Variants in FRMD4A observed in about 807,000 individuals in gnomAD.
FRMD4A encodes FERM domain containing 4A.
A neutral mutation model predicts 129.1 loss-of-function variants in FRMD4A; 29 were observed. The observed-to-expected ratio is 0.22, with a 90% CI of 0.17 to 0.31. FRMD4A has a LOEUF of 0.31. Ranked by LOEUF, FRMD4A falls within the 10% of genes least tolerant of loss-of-function variation. FRMD4A has a pLI of 1.00. For missense variants in FRMD4A, 1,272 were observed against 1,375.8 expected, an observed-to-expected ratio of 0.92 and a Z score of 1.19; for synonymous variants, 634 against 571.6, an observed-to-expected ratio of 1.11 and a Z score of -1.56.
At chr10:14,274,596 A>G (rs1402057532) in intron 2 of FRMD4A, among the ~76,000 whole-genome samples, 1 of 152,202 alleles carries the variant, frequency 6.6e-6, no homozygotes, top group East Asian at 1.9e-4. Flanking sequence ...TCACTGAACC[A>G]GGGCTCTTGA....
intron 2 of FRMD4A, among the ~76,000 whole-genome samples, chr10:14,033,286 A>C (rs1833336153): frequency 6.7e-6 from 1 of 149,012 alleles, no homozygotes; most frequent in African/African-American, 2.5e-5. Context: ...CAGACTGGCC[A>C]ACAGAGCGAG....
chr10:14,279,991 G>A (rs1246772299), intron 2 of FRMD4A, among the ~76,000 whole-genome samples: 1 of 152,216 alleles, frequency 6.6e-6, no homozygotes, highest in Non-Finnish European at 1.5e-5. Context: ...ACTCACCCAG[G>A]ACTCCTGACT....
intron 2 of FRMD4A, among the ~76,000 whole-genome samples, chr10:13,960,347 G>A (rs1393085890): frequency 6.6e-6 from 1 of 152,150 alleles, no homozygotes; most frequent in Non-Finnish European, 1.5e-5. Context: ...AAGGAATATT[G>A]TTCTCTATTC....
chr10:14,194,179 A>G (rs1842401876), intron 2 of FRMD4A, among the ~76,000 whole-genome samples: 1 of 152,240 alleles, frequency 6.6e-6, no homozygotes, highest in East Asian at 1.9e-4. Context: ...GTAAAAGCAA[A>G]TAACAAAGCC....
chr10:14,066,799 G>A (rs1835080868), intron 2 of FRMD4A, among the ~76,000 whole-genome samples: 3 of 152,136 alleles, frequency 2.0e-5, no homozygotes, highest in Admixed American at 2.0e-4. Flanking sequence ...AAAAAAGAAA[G>A]AGAAATTGAG....
intron 2 of FRMD4A, among the ~76,000 whole-genome samples, chr10:13,989,475 C>T (rs1368005249): frequency 6.6e-6 from 1 of 152,126 alleles, no homozygotes; most frequent in Admixed American, 6.5e-5. Context: ...CCTGACTCAG[C>T]CTCCCACCAC....
intron 11 of FRMD4A, 60 bp from the exon 12 acceptor site, chr10:13,737,990 G>T: frequency 4.2e-6 from 4 of 943,394 alleles, no homozygotes; most frequent in Non-Finnish European, 7.0e-6. Context: ...CACACGCAAA[G>T]TGGAGATTTC....
chr10:14,069,238 CTA>C (rs1443845860), intron 2 of FRMD4A, among the ~76,000 whole-genome samples: 1 of 152,156 alleles, frequency 6.6e-6, no homozygotes, highest in South Asian at 2.1e-4. Flanking sequence ...TGGTGATAGA[CTA>C]TGTTATTGAA....
At chr10:13,661,713 G>A in intron 19 of FRMD4A, among the ~76,000 whole-genome samples, 1 of 152,178 alleles carries the variant, frequency 6.6e-6, no homozygotes, top group East Asian at 1.9e-4. Flanking sequence ...TCAGGCTAGG[G>A]CAGGTCAGCA....
Position 13,644,654 on chromosome 10 carries a change from GA to G in FRMD4A, c.*2383del, listed in dbSNP as rs2081009591. ...ATTTCAAGCTACTATGCATGATGTA[GA>G]ACATGTAACCATGTAACCTCATCAG... is the stretch of plus-strand genomic sequence containing the variant. On this transcript the variant is annotated 3_prime_UTR_variant, in exon 25 of 25. Coordinates refer to ENST00000357447, the MANE Select transcript of FRMD4A (RefSeq NM_018027.5). 6.6e-6 allele frequency: 1 copy of G among 152,196 alleles called. No homozygotes were observed. Among genetic ancestry groups the G allele is most frequent in the African/African-American group, 2.4e-5 (1 of 41,446 alleles). 9.4% of individuals were successfully genotyped at this position (152,196 alleles called of 1,614,324 possible). A position where few individuals can be genotyped will look rare whatever the true frequency, so the allele number is the denominator to read the frequency against.
At chr10:14,186,801 T>A (rs181162375) in intron 2 of FRMD4A, among the ~76,000 whole-genome samples, 8 of 152,230 alleles carry the variant, frequency 5.3e-5, no homozygotes, top group Admixed American at 4.6e-4. Context: ...CAGGGTGGCC[T>A]TGGACACAAG....
At chr10:13,992,517 T>G (rs1449891159) in intron 2 of FRMD4A, among the ~76,000 whole-genome samples, 1 of 152,190 alleles carries the variant, frequency 6.6e-6, no homozygotes, top group African/African-American at 2.4e-5. Context: ...CAAGAATAGG[T>G]TGCTGCTCAT....
intron 2 of FRMD4A, among the ~76,000 whole-genome samples, chr10:13,882,833 T>C (rs1405596655): frequency 6.7e-6 from 1 of 149,032 alleles, no homozygotes. Flanking sequence ...TGAGACACAC[T>C]CGCTCTGTCA....
chr10:14,325,848 C>T (rs560899578), intron 2 of FRMD4A, among the ~76,000 whole-genome samples: 1 of 152,260 alleles, frequency 6.6e-6, no homozygotes, highest in South Asian at 2.1e-4. Flanking sequence ...CAGCAGGTTA[C>T]CCATTGAAAT....
chr10:13,718,313 G>A (rs2089055873), intron 12 of FRMD4A, among the ~76,000 whole-genome samples: 1 of 152,254 alleles, frequency 6.6e-6, no homozygotes, highest in African/African-American at 2.4e-5. Flanking sequence ...GAGAAGGAAC[G>A]CTTGCGGTCT....
chr10:14,307,960 G>A (rs183675461), intron 2 of FRMD4A, among the ~76,000 whole-genome samples: 1 of 152,048 alleles, frequency 6.6e-6, no homozygotes, highest in African/African-American at 2.4e-5. Context: ...GATTCATTAT[G>A]AGATGAGTTG....
intron 8 of FRMD4A, 93 bp downstream of exon 8, chr10:13,761,554 G>A: frequency 1.2e-6 from 1 of 808,350 alleles, no homozygotes; most frequent in Non-Finnish European, 2.1e-6. Flanking sequence ...TGAATAAATT[G>A]TCCACCTAAA....
chr10:14,071,240 A>G (rs1056667983), intron 2 of FRMD4A, among the ~76,000 whole-genome samples: 9 of 152,254 alleles, frequency 5.9e-5, no homozygotes, highest in Non-Finnish European at 1.2e-4. Context: ...CTGAAACTAC[A>G]TGCCACATTC....
chr10:13,659,473 G>A lies in FRMD4A; in HGVS notation c.1916C>T (p.Pro639Leu), dbSNP rs759343693. ...GGCTTCCGCACAGCTTCCTGTGCTGGGGAAGCGCTTGTGGCTGCTGCAAAG... is the reference window on the plus strand; with the variant it reads ...GGCTTCCGCACAGCTTCCTGTGCTGAGGAAGCGCTTGTGGCTGCTGCAAAG... Reference protein sequence around the residue: ...HSHSSSHKRFPSTGSCAEAGG... With the variant: ...HSHSSSHKRFLSTGSCAEAGG... Residue 639 changes from proline to leucine, a missense_variant, in exon 21 of 25, where the codon CCC becomes CTC. By Grantham distance (98) the Pro-to-Leu change is moderately conservative (BLOSUM62 -3). Transcript: ENST00000357447. 6.2e-7 allele frequency: 1 copy of A among 1,613,046 alleles called. No individual in the cohort carries two copies. The highest frequency in any genetic ancestry group is 1.1e-5 in the South Asian group (1 of 91,026).
Sources: allele counts gnomAD v4.1 joint callset (sites outside exome capture counted in the v4.1 genomes callset), GRCh38; gene constraint gnomAD v4.1.1; transcripts MANE v1.5; gene names NCBI Gene and HGNC (gene_info 2026-07-23, HGNC 2026-07-21).